Variants in BCKDHB observed in about 807,000 individuals in gnomAD.
The protein encoded by BCKDHB is 2-oxoisovalerate dehydrogenase subunit beta, mitochondrial.
In BCKDHB, 41 loss-of-function variants were observed where a neutral mutation model predicts 48.5. The ratio of observed to expected loss-of-function variants is 0.85; its 90% CI spans 0.66 to 1.10. BCKDHB has a LOEUF of 1.10. Ranked by LOEUF, BCKDHB falls within the 50% of genes least tolerant of loss-of-function variation. The pLI, the probability that BCKDHB is intolerant of heterozygous loss-of-function variation, is 0.00. For synonymous variants in BCKDHB, 201 were observed against 174.8 expected (o/e 1.15, Z -1.18); for missense variants, 496 against 494.2 (o/e 1.00, Z -0.03).
the BCKDHB span, among the ~76,000 whole-genome samples, chr6:80,420,626 A>C: frequency 6.6e-6 from 1 of 152,178 alleles, no homozygotes; most frequent in African/African-American, 2.4e-5. Context: ...CTGTCTACAG[A>C]GGAATGCCAC....
At chr6:80,144,981 G>A (rs1771409261) in intron 3 of BCKDHB, among the ~76,000 whole-genome samples, 1 of 152,134 alleles carries the variant, frequency 6.6e-6, no homozygotes, top group African/African-American at 2.4e-5. Flanking sequence ...GGGAAGTACA[G>A]GATCAGAGAA....
At chr6:80,141,574 A>G (rs1456559456) in intron 3 of BCKDHB, among the ~76,000 whole-genome samples, 1 of 152,070 alleles carries the variant, frequency 6.6e-6, no homozygotes, top group African/African-American at 2.4e-5. Flanking sequence ...AGTTTTTCTC[A>G]ATCTTATTTG....
At chr6:80,120,272 T>C (rs1769934861) in intron 1 of BCKDHB, among the ~76,000 whole-genome samples, 1 of 152,018 alleles carries the variant, frequency 6.6e-6, no homozygotes, top group African/African-American at 2.4e-5. Context: ...TGATAGACAT[T>C]TGGGTTGGTT....
chr6:80,334,873 C>T (rs919599471), intron 9 of BCKDHB, among the ~76,000 whole-genome samples: 13 of 151,882 alleles, frequency 8.6e-5, no homozygotes, highest in Middle Eastern at 3.4e-3. Context: ...GCAAATATTT[C>T]AGTCATCATT....
intron 8 of BCKDHB, among the ~76,000 whole-genome samples, chr6:80,248,161 C>T (rs532400180): frequency 6.6e-6 from 1 of 152,274 alleles, no homozygotes; most frequent in Non-Finnish European, 1.5e-5. Context: ...AATTCATCTT[C>T]ATAAAGCTTG....
the BCKDHB span, among the ~76,000 whole-genome samples, chr6:80,401,313 C>T: frequency 1.3e-5 from 2 of 151,848 alleles, no homozygotes; most frequent in Non-Finnish European, 2.9e-5. Flanking sequence ...AATGAGTCCA[C>T]ATCTGTGAAA....
chr6:80,406,689 T>A, the BCKDHB span, among the ~76,000 whole-genome samples: 1 of 152,222 alleles, frequency 6.6e-6, no homozygotes, highest in Non-Finnish European at 1.5e-5. Context: ...CTTTGCCTAC[T>A]TTTTGATGGG....
chr6:80,174,998 G>C (rs543743159), intron 6 of BCKDHB, among the ~76,000 whole-genome samples: 1 of 152,150 alleles, frequency 6.6e-6, no homozygotes, highest in South Asian at 2.1e-4. Flanking sequence ...CTAATATAAG[G>C]CCTCAAGTAA....
chr6:80,410,649 A>G, the BCKDHB span, among the ~76,000 whole-genome samples: 228 of 150,958 alleles, frequency 1.5e-3, 1 homozygote, highest in Middle Eastern at 6.9e-3. Flanking sequence ...ATTTCTTTCT[A>G]CTCTTTTCTC....
intron 8 of BCKDHB, among the ~76,000 whole-genome samples, chr6:80,269,962 G>C (rs1218583605): frequency 6.6e-6 from 1 of 151,970 alleles, no homozygotes; most frequent in Non-Finnish European, 1.5e-5. Flanking sequence ...TATTAAAGGG[G>C]ACAAAAATAT....
At chr6:80,206,541 T>TTGTGTGTGTGTGTGTGTGTGTGTGTGTG (rs35972426) in intron 8 of BCKDHB, among the ~76,000 whole-genome samples, 5 of 145,746 alleles carry the variant, frequency 3.4e-5, no homozygotes, top group African/African-American at 1.3e-4. Flanking sequence ...CCTAGAAAGT[T>TTGTGTGTGTGTGTGTGTGTGTGTGTGTG]TGTGTGTGTG....
chr6:80,331,828 A>G (rs1297108103), intron 9 of BCKDHB, among the ~76,000 whole-genome samples: 1 of 152,200 alleles, frequency 6.6e-6, no homozygotes, highest in East Asian at 1.9e-4. Flanking sequence ...GAAGTAACCA[A>G]AGTACCTACT....
chr6:80,140,590 A>C (rs1195524301), intron 3 of BCKDHB, among the ~76,000 whole-genome samples: 2 of 151,900 alleles, frequency 1.3e-5, no homozygotes, highest in Non-Finnish European at 2.9e-5. Context: ...GGTTCTGTTT[A>C]TATGCTGGAT....
chr6:80,369,315 A>C, the BCKDHB span, among the ~76,000 whole-genome samples: 2 of 152,052 alleles, frequency 1.3e-5, no homozygotes, highest in African/African-American at 4.8e-5. Context: ...AGTGTTTCCC[A>C]CTCTGGGTAG....
intron 3 of BCKDHB, among the ~76,000 whole-genome samples, chr6:80,131,426 C>T (rs1484272396): frequency 6.6e-6 from 1 of 152,166 alleles, no homozygotes; most frequent in Non-Finnish European, 1.5e-5. Context: ...TAGTTCCCCA[C>T]ATCCAGTGAA....
intron 9 of BCKDHB, among the ~76,000 whole-genome samples, chr6:80,292,720 A>C (rs749683571): frequency 6.6e-5 from 10 of 152,148 alleles, no homozygotes; most frequent in Non-Finnish European, 1.5e-4. Flanking sequence ...CCAAAGTCTC[A>C]TCCAAGACAA....
chr6:80,393,881 G>T, the BCKDHB span, among the ~76,000 whole-genome samples: 3 of 152,282 alleles, frequency 2.0e-5, no homozygotes, highest in Non-Finnish European at 4.4e-5. Context: ...GGTGCTTCCT[G>T]AGAAAAGGTG....
chr6:80,415,035 T>C, the BCKDHB span, among the ~76,000 whole-genome samples: 1 of 151,908 alleles, frequency 6.6e-6, no homozygotes, highest in Admixed American at 6.6e-5. Flanking sequence ...CAATTGTGAA[T>C]AGAATTGCAT....
chr6:80,149,069 C>T (rs1461521620), intron 3 of BCKDHB, among the ~76,000 whole-genome samples: 1 of 152,148 alleles, frequency 6.6e-6, no homozygotes, highest in African/African-American at 2.4e-5. Flanking sequence ...GCAACCTACT[C>T]ATCTGACAAA....
Sources: allele counts gnomAD v4.1 joint callset (sites outside exome capture counted in the v4.1 genomes callset), GRCh38; gene constraint gnomAD v4.1.1; transcripts MANE v1.5; gene names NCBI Gene and HGNC (gene_info 2026-07-23, HGNC 2026-07-21).